The following RNF10 variants were observed in gnomAD, a reference collection of about 807,000 sequenced individuals.
RNF10 encodes ring finger protein 10.
RNF10 carries 38 observed loss-of-function variants against 91.4 expected under a neutral mutation model. The observed-to-expected ratio is 0.42, with a 90% CI of 0.32 to 0.54. RNF10 has a LOEUF of 0.54. Ranked by LOEUF, RNF10 falls within the 20% of genes least tolerant of loss-of-function variation. The probability of loss-of-function intolerance (pLI) is 0.16; values close to 1 mark genes in which losing one functional copy is unlikely to be tolerated. For synonymous variants in RNF10, 364 were observed against 366.3 expected (o/e 0.99, Z 0.07); for missense variants, 945 against 1,012.0 (o/e 0.93, Z 0.90).
chr12:120,552,815 C>T (rs1873313936), intron 3 of RNF10, 117 bp downstream of exon 3: 1 of 899,800 alleles, frequency 1.1e-6, no homozygotes, highest in Non-Finnish European at 1.7e-6. Context: ...GGGAATTGGT[C>T]TCGTTCTTTT....
Position 120,554,797 on chromosome 12 carries a change from G to C in RNF10, c.634G>C (p.Val212Leu), listed in dbSNP as rs1313143960. 1 of 1,613,706 alleles carries C rather than the reference G, an allele frequency of 6.2e-7. No homozygotes were observed. Among genetic ancestry groups the C allele is most frequent in the South Asian group, 1.1e-5 (1 of 91,074 alleles). The change falls in exon 4 of 17, where the codon GTG becomes CTG. Residue 212 changes from valine to leucine, a missense_variant. Coordinates refer to ENST00000325954, the MANE Select transcript of RNF10 (RefSeq NM_014868.5). ...TGATACATTAGTTAACTGGGACTTT[G>C]TGGAACAAGTGGTGAGTAGCTCAGC... ...DPDTLVNWDFVEQVRICSHEV... is the reference protein window; with the variant it reads ...DPDTLVNWDFLEQVRICSHEV...
chr12:120,541,484 G>C (rs1195802970), intron 1 of RNF10, among the ~76,000 whole-genome samples: 2 of 149,646 alleles, frequency 1.3e-5, no homozygotes, highest in Non-Finnish European at 3.0e-5. Flanking sequence ...GCCCAGACTG[G>C]AATGCAGTGG....
rs1372857549 is a variant in RNF10 at position 120,565,179 on chromosome 12, G to T, written c.1773G>T (p.Glu591Asp). 4.4e-6 allele frequency: 7 copies of T among 1,605,402 alleles called. No individual in the cohort carries two copies. Among genetic ancestry groups the T allele is most frequent in the Non-Finnish European group, 6.0e-6 (7 of 1,172,044 alleles). The change falls in exon 11 of 17, where the codon GAG becomes GAT. Residue 591 changes from glutamate (E) to aspartate (D), a missense_variant. Glu to Asp is a conservative substitution (Grantham distance 45). Transcript: ENST00000325954. ...QPPVVSKETLEMFSDDIEKRK... is the reference protein window; with the variant it reads ...QPPVVSKETLDMFSDDIEKRK... ...CTGTGGTCTCTAAGGAAACCCTAGA[G>T]ATGTTCTCAGGTGAGAATGCCCCTG...
chr12:120,544,596 G>A (rs1161375503), intron 1 of RNF10, among the ~76,000 whole-genome samples: 1 of 151,780 alleles, frequency 6.6e-6, no homozygotes, highest in East Asian at 1.9e-4. Context: ...GGTGGAGGTT[G>A]TAGTGAACGA....
chr12:120,567,691 A>G (rs1278177750), intron 13 of RNF10, among the ~76,000 whole-genome samples: 1 of 131,322 alleles, frequency 7.6e-6, no homozygotes, highest in Non-Finnish European at 1.6e-5. Flanking sequence ...ACAGAGCGAG[A>G]CTTTGTCTCA....
chr12:120,562,243 G>A (rs192462466), intron 7 of RNF10, among the ~76,000 whole-genome samples: 106 of 147,188 alleles, frequency 7.2e-4, no homozygotes, highest in African/African-American at 2.5e-3. Flanking sequence ...ACATGTGTGC[G>A]ATATTTGGTT....
chr12:120,535,952 GTTC>G (rs1335600806), intron 1 of RNF10, among the ~76,000 whole-genome samples: 2 of 152,144 alleles, frequency 1.3e-5, no homozygotes, highest in Non-Finnish European at 2.9e-5. Context: ...GAGTCCCGGT[GTTC>G]TTCATTTTAT....
Position 120,562,889 on chromosome 12 carries a change from G to A in RNF10, c.1129-56G>A, listed in dbSNP as rs544176976. 6.8e-6 allele frequency: 11 copies of A among 1,610,066 alleles called. No individual in the cohort carries two copies. The African/African-American group carries it at 1.5e-4, about 21-fold the overall frequency. On this transcript the variant is annotated intron_variant, in intron 7 of 16. Coordinates refer to ENST00000325954, the MANE Select transcript of RNF10 (RefSeq NM_014868.5). ...GCCATTCTAAGCCCTTGCCCTTCAA[G>A]CTAAGTGTGTGTCTGGAAACTTAAC...
chr12:120,553,717 T>G (rs1873536180), intron 3 of RNF10, among the ~76,000 whole-genome samples: 1 of 151,990 alleles, frequency 6.6e-6, no homozygotes, highest in Admixed American at 6.6e-5. Flanking sequence ...AGAGAAAATT[T>G]CTTAAGAGAC....
intron 2 of RNF10, among the ~76,000 whole-genome samples, chr12:120,547,061 T>A (rs1305513348): frequency 6.6e-6 from 1 of 152,160 alleles, no homozygotes; most frequent in African/African-American, 2.4e-5. Context: ...TTGTTTGTAG[T>A]TGCGAAATTG....
At chr12:120,567,868 T>G (rs903054854) in intron 13 of RNF10, among the ~76,000 whole-genome samples, 14 of 151,198 alleles carry the variant, frequency 9.3e-5, no homozygotes, top group East Asian at 7.8e-4. Context: ...TGGGTGTGTG[T>G]GTGTGTGTGT....
intron 1 of RNF10, among the ~76,000 whole-genome samples, chr12:120,538,511 C>T (rs1219771552): frequency 6.6e-6 from 1 of 152,168 alleles, no homozygotes; most frequent in Non-Finnish European, 1.5e-5. Flanking sequence ...CATTCCTTTT[C>T]TTGATTATAT....
chr12:120,548,749 C>T (rs796380932), intron 2 of RNF10, among the ~76,000 whole-genome samples: 1 of 150,720 alleles, frequency 6.6e-6, no homozygotes, highest in African/African-American at 2.4e-5. Context: ...AACCTCCGCT[C>T]TTGGGTTCAC....
chr12:120,575,699 T>C lies in RNF10; in HGVS notation c.2200+11T>C, dbSNP rs1483959064. ...CTGCTCCAAAGAAAGGTGAGGATGGTCCACTGGTGAAGGGGGAGTTTGGCT... is the reference window on the plus strand; with the variant it reads ...CTGCTCCAAAGAAAGGTGAGGATGGCCCACTGGTGAAGGGGGAGTTTGGCT... On this transcript the variant is annotated intron_variant, in intron 15 of 16. Coordinates refer to ENST00000325954, the MANE Select transcript of RNF10 (RefSeq NM_014868.5). 1 of 1,614,062 alleles carries C rather than the reference T, an allele frequency of 6.2e-7. No homozygotes were observed. The highest frequency in any genetic ancestry group is 1.3e-5 in the African/African-American group (1 of 74,932).
chr12:120,541,526 C>A (rs1396742089), intron 1 of RNF10, among the ~76,000 whole-genome samples: 1 of 151,798 alleles, frequency 6.6e-6, no homozygotes, highest in Non-Finnish European at 1.5e-5. Flanking sequence ...GCCCCGCCTC[C>A]CGGGTTCACG....
rs1289529370 is a variant in RNF10 at position 120,534,983 on chromosome 12, G to C, written c.157+15G>C. On this transcript the variant is annotated intron_variant, in intron 1 of 16. Coordinates refer to ENST00000325954, the MANE Select transcript of RNF10 (RefSeq NM_014868.5). Reference sequence around the variant, plus strand: ...ACCCAAGAGCGGTAAGGACGGGCCTGCGGCAGTGGGCGGGGGCGACTGCCC... The same window carrying C: ...ACCCAAGAGCGGTAAGGACGGGCCTCCGGCAGTGGGCGGGGGCGACTGCCC... 2 of 1,581,512 alleles carry C rather than the reference G, an allele frequency of 1.3e-6. No homozygotes were observed. Among genetic ancestry groups the C allele is most frequent in the Admixed American group, 3.5e-5 (2 of 56,690 alleles).
intron 1 of RNF10, among the ~76,000 whole-genome samples, chr12:120,540,991 G>C (rs973311373): frequency 3.3e-5 from 5 of 152,084 alleles, no homozygotes; most frequent in African/African-American, 1.2e-4. Flanking sequence ...GAGTAGCTGG[G>C]ATTACAGGCA....
intron 13 of RNF10, chr12:120,570,187 T>TG (rs1876422007): frequency 6.8e-6 from 1 of 146,048 alleles, no homozygotes; most frequent in Admixed American, 6.9e-5. Flanking sequence ...ACCCAGCCTT[T>TG]TTTTTTTTTT....
intron 14 of RNF10, among the ~76,000 whole-genome samples, chr12:120,572,370 A>G (rs1876777224): frequency 6.6e-6 from 1 of 151,232 alleles, no homozygotes; most frequent in African/African-American, 2.4e-5. Flanking sequence ...CCGGCCATTG[A>G]CAGTTCTTTA....
Sources: allele counts gnomAD v4.1 joint callset (sites outside exome capture counted in the v4.1 genomes callset), GRCh38; gene constraint gnomAD v4.1.1; transcripts MANE v1.5; gene names NCBI Gene and HGNC (gene_info 2026-07-23, HGNC 2026-07-21).